REXO1: variants seen among roughly 807,000 people sequenced by gnomAD.
REXO1 encodes RNA exonuclease 1 homolog.
A neutral mutation model predicts 102.6 loss-of-function variants in REXO1; 42 were observed. The observed-to-expected ratio is 0.41, with a 90% CI of 0.32 to 0.53. The LOEUF (loss-of-function observed/expected upper bound fraction) is 0.53. Among genes scored for constraint, REXO1 ranks in the 20% least tolerant of loss-of-function variants. The pLI is 0.27. For missense variants in REXO1, 1,819 were observed against 1,732.5 expected (o/e 1.05, Z -0.89); for synonymous variants, 908 against 779.1 (o/e 1.17, Z -2.76).
intron 1 of REXO1, among the ~76,000 whole-genome samples, chr19:1,840,241 T>C (rs992553638): frequency 6.6e-6 from 1 of 151,998 alleles, no homozygotes; most frequent in Non-Finnish European, 1.5e-5. Flanking sequence ...CCAGGGCAGG[T>C]GTCTGCAGAG....
In REXO1 at chr19:1,827,633, C is replaced by A; in HGVS notation, c.1156G>T (p.Ala386Ser). 1 of 1,573,070 alleles carries A rather than the reference C, an allele frequency of 6.4e-7. No individual in the cohort carries two copies. The highest frequency in any genetic ancestry group is 1.2e-5 in the South Asian group (1 of 85,618). The change falls in exon 2 of 16, where the codon GCC becomes TCC. Residue 386 changes from alanine (A) to serine (S), a missense_variant. Transcript: ENST00000170168. The part of the protein sequence containing the change: ...PKKKKTGAPP[A>S]PSCKDGAQGK... ...TGGGCCCCGTCTTTGCAGCTGGGGGCAGGTGGGGCCCCGGTTTTTTTCTTC... is the reference window on the plus strand; with the variant it reads ...TGGGCCCCGTCTTTGCAGCTGGGGGAAGGTGGGGCCCCGGTTTTTTTCTTC...
chr19:1,826,728 A>T lies in REXO1; in HGVS notation c.1911+150T>A. On this transcript the variant is annotated intron_variant, in intron 2 of 15. Transcript: ENST00000170168. The surrounding 1 kb of genome is among the most constrained non-coding windows in gnomAD (Gnocchi z 4.3). Reference sequence around the variant, plus strand: ...CTGCCCGGGTGCTCCTGAGCTCCTGAGATTTCAACGGGCTCAGGGACCAGC... The same window carrying T: ...CTGCCCGGGTGCTCCTGAGCTCCTGTGATTTCAACGGGCTCAGGGACCAGC... 7.4e-7 allele frequency: 1 copy of T among 1,355,506 alleles called. No individual in the cohort carries two copies. The highest frequency in any genetic ancestry group is 9.7e-7 in the Non-Finnish European group (1 of 1,029,672). The allele number at this position is 1,355,506 out of a possible 1,614,324, so 84.0% of individuals were successfully genotyped here. A position where few individuals can be genotyped will look rare whatever the true frequency, so the allele number is the denominator to read the frequency against.
At chr19:1,824,198 A>T in intron 3 of REXO1, 1 of 165,936 alleles carries the variant, frequency 6.0e-6, no homozygotes, top group Non-Finnish European at 1.3e-5. Flanking sequence ...GTCCTGCACT[A>T]CCTCGCCACG....
chr19:1,816,127 G>C lies in REXO1; in HGVS notation c.3605C>G (p.Ala1202Gly). The change falls in exon 16 of 16, where the codon GCC becomes GGC. Residue 1202 changes from alanine to glycine, a missense_variant. Ala to Gly is a moderately conservative substitution (Grantham distance 60, BLOSUM62 0). Coordinates refer to ENST00000170168, the MANE Select transcript of REXO1 (RefSeq NM_020695.4). ...GATCACCAGGTGCATGCAGGCGCCG[G>C]CGTCCTCGCTGGAGCTGTGCCCATC... The part of the protein sequence containing the change: ...NVDGHSSSED[A>G]GACMHLVIWK... 1 of 1,550,114 alleles carries C rather than the reference G, an allele frequency of 6.5e-7. No homozygotes were observed.
Position 1,827,246 on chromosome 19 carries a change from C to G in REXO1, c.1543G>C (p.Ala515Pro). Residue 515 changes from alanine to proline, a missense_variant, in exon 2 of 16, where the codon GCC becomes CCC. Physicochemically the swap from Ala to Pro is conservative, Grantham distance 27. Transcript: ENST00000170168. ...CCAAAGAGGTCGGCGTGGCTCAGGG[C>G]CCGCTTCTTCAGCTTGGGGGCGTCC... ...SQDAPKLKKRALSHADLFGDE... is the reference protein window; with the variant it reads ...SQDAPKLKKRPLSHADLFGDE... The G allele has an allele frequency of 6.4e-7, 1 of 1,553,602 alleles. No individual in the cohort carries two copies. The highest frequency in any genetic ancestry group is 8.7e-7 in the Non-Finnish European group (1 of 1,155,584).
intron 6 of REXO1, 83 bp from the exon 7 acceptor site, chr19:1,820,140 G>T: frequency 1.3e-6 from 2 of 1,566,416 alleles, no homozygotes; most frequent in South Asian, 1.2e-5. Context: ...TGGGGTCGGG[G>T]ACTTGCATCT....
intron 1 of REXO1, among the ~76,000 whole-genome samples, chr19:1,832,378 G>C (rs891111943): frequency 9.8e-5 from 15 of 152,332 alleles, no homozygotes; most frequent in Admixed American, 7.8e-4. Flanking sequence ...ACCGGGTGAT[G>C]AAAGTGCAGT....
intron 5 of REXO1, among the ~76,000 whole-genome samples, chr19:1,820,635 G>A (rs1357557133): frequency 6.6e-6 from 1 of 152,192 alleles, no homozygotes; most frequent in African/African-American, 2.4e-5. Flanking sequence ...GGAACTTGCT[G>A]TACTTTCTGC....
chr19:1,828,205 C>A lies in REXO1; in HGVS notation c.584G>T (p.Gly195Val), dbSNP rs776091082. The A allele has an allele frequency of 5.0e-6, 8 of 1,605,338 alleles. No individual in the cohort carries two copies. Among genetic ancestry groups the A allele is most frequent in the Non-Finnish European group, 5.9e-6 (7 of 1,177,090 alleles). Reference sequence around the variant, plus strand: ...GGGGACGTATTCCAGGGCACCGCCACCCCCTCCACCTCTGCCCTGACCCCT... The same window carrying A: ...GGGGACGTATTCCAGGGCACCGCCAACCCCTCCACCTCTGCCCTGACCCCT... ...LDRGQGRGGG[G>V]GGALEYVPKA... Residue 195 changes from glycine (G) to valine (V), a missense_variant, in exon 2 of 16, where the codon GGT (glycine) becomes GTT (valine). Coordinates refer to ENST00000170168, the MANE Select transcript of REXO1 (RefSeq NM_020695.4).
In REXO1 at chr19:1,816,284, T is replaced by A. The variant is rs755029833; in HGVS notation, c.3518A>T (p.Tyr1173Phe). The A allele has an allele frequency of 3.8e-6, 6 of 1,588,920 alleles. No individual in the cohort carries two copies. The South Asian group carries it at 6.8e-5, about 18-fold the overall frequency. ...CATGAGGTTCCGCAGGGACCGCTTG[T>A]AGGGGAGGCCCAGGCGGTGGGGGAA... Reference protein sequence around the residue: ...VLFPHRLGLPYKRSLRNLMAD... With the variant: ...VLFPHRLGLPFKRSLRNLMAD... Residue 1173 changes from tyrosine (Y) to phenylalanine (F), a missense_variant, in exon 15 of 16, where the codon TAC (tyrosine) becomes TTC (phenylalanine). By Grantham distance (22) the Tyr-to-Phe change is conservative. Transcript: ENST00000170168.
At chr19:1,829,142 G>A (rs2069835638) in intron 1 of REXO1, among the ~76,000 whole-genome samples, 1 of 152,208 alleles carries the variant, frequency 6.6e-6, no homozygotes. Flanking sequence ...CCAGCAGTGT[G>A]CCAGCGGTGG....
chr19:1,825,481 AT>A (rs35177119), intron 3 of REXO1, among the ~76,000 whole-genome samples: 68 of 145,476 alleles, frequency 4.7e-4, no homozygotes, highest in Middle Eastern at 3.5e-3. Context: ...TTTTTTTATA[AT>A]TTTTTTTTTT....
chr19:1,839,735 C>T (rs557189756), intron 1 of REXO1, among the ~76,000 whole-genome samples: 2 of 152,378 alleles, frequency 1.3e-5, no homozygotes, highest in South Asian at 2.1e-4. Context: ...CTGTCTCATC[C>T]ACTTCCCCAA....
chr19:1,843,848 G>C lies in REXO1; in HGVS notation c.157+4354C>G, dbSNP rs573949392. ...GCCGGCTGTCTCCCATCCACCAGGA[G>C]GAGGCAGCACAGGACGCAGCCAGCG... On this transcript the variant is annotated intron_variant, in intron 1 of 15. Coordinates refer to ENST00000170168, the MANE Select transcript of REXO1 (RefSeq NM_020695.4). 2.0e-5 allele frequency among the ~76,000 whole-genome samples: 3 copies of C among 152,370 alleles called. No individual in the cohort carries two copies. In the East Asian group the frequency reaches 5.8e-4, roughly 29 times the overall value.
Position 1,815,846 on chromosome 19 carries a change from G to A in REXO1, c.*220C>T. The A allele has an allele frequency of 1.3e-6, 2 of 1,521,856 alleles. No individual in the cohort carries two copies. The highest frequency in any genetic ancestry group is 1.4e-5 in the African/African-American group (1 of 72,446). The allele number at this position is 1,521,856 out of a possible 1,614,324, so 94.3% of individuals were successfully genotyped here. A position where few individuals can be genotyped will look rare whatever the true frequency, so the allele number is the denominator to read the frequency against. On this transcript the variant is annotated 3_prime_UTR_variant, in exon 16 of 16. Coordinates refer to ENST00000170168, the MANE Select transcript of REXO1 (RefSeq NM_020695.4). The surrounding 1 kb of genome is among the most constrained non-coding windows in gnomAD (Gnocchi z 4.0). Reference sequence around the variant, plus strand: ...AGCAGCAGTTTCTAGAGACGCCAGAGGGCTGGGGGGCAGAGGGTGGGGACC... The same window carrying A: ...AGCAGCAGTTTCTAGAGACGCCAGAAGGCTGGGGGGCAGAGGGTGGGGACC...
chr19:1,815,578 A>C lies in REXO1; in HGVS notation c.*488T>G. 4 of 774,066 alleles carry C rather than the reference A, an allele frequency of 5.2e-6. No homozygotes were observed. The highest frequency in any genetic ancestry group is 2.2e-5 in the South Asian group (1 of 45,376). The allele number at this position is 774,066 out of a possible 1,614,324, so 47.9% of individuals were successfully genotyped here. On this transcript the variant is annotated 3_prime_UTR_variant, in exon 16 of 16. Transcript: ENST00000170168. The surrounding 1 kb of genome is among the most constrained non-coding windows in gnomAD (Gnocchi z 4.0). ...TCCCACCCCCACCCCGCAGGAGGGA[A>C]GGCAGCAGGCCCGCTCTTCCCGGTG...
Position 1,818,489 on chromosome 19 carries a change from C to T in REXO1, c.3009G>A (p.Arg1003=). The change falls in exon 10 of 16, where the codon CGG becomes CGA. Residue 1003 remains arginine (R), a synonymous_variant. Transcript: ENST00000170168. The part of the protein sequence containing the change: ...ECYYHWGRLR[R]NRVAGGWETQ... Reference sequence around the variant, plus strand: ...ACCCGGGTAAGGCCTTACCCCGGTTCCGGCGCAGCCGTCCCCAGTGGTAAT... The same window carrying T: ...ACCCGGGTAAGGCCTTACCCCGGTTTCGGCGCAGCCGTCCCCAGTGGTAAT... The T allele has an allele frequency of 6.2e-7, 1 of 1,601,362 alleles. No homozygotes were observed.
rs1568693784 is a variant in REXO1 at position 1,826,395 on chromosome 19, A to AGGGGAGGAGAAAGGAGCCGGAGGGGAT, written c.1911+456_1912-453dup. On this transcript the variant is annotated intron_variant, in intron 2 of 15. Coordinates refer to ENST00000170168, the MANE Select transcript of REXO1 (RefSeq NM_020695.4). The surrounding 1 kb of genome is among the most constrained non-coding windows in gnomAD (Gnocchi z 4.3). ...GCCACGCTGGGAGTAGGGAGGAGGG[A>AGGGGAGGAGAAAGGAGCCGGAGGGGAT]GGGGAGGAGAAAGGAGCCGGAGGGG... 6.2e-5 allele frequency among the ~76,000 whole-genome samples: 9 copies of AGGGGAGGAGAAAGGAGCCGGAGGGGAT among 146,192 alleles called. No homozygotes were observed. Among genetic ancestry groups the AGGGGAGGAGAAAGGAGCCGGAGGGGAT allele is most frequent in the African/African-American group, 2.3e-4 (9 of 39,560 alleles).
At position 1,834,762 on chromosome 19, in the gene REXO1, C is replaced by T. The variant is rs557201833; in HGVS notation, c.158-6131G>A. On this transcript the variant is annotated intron_variant, in intron 1 of 15. Coordinates refer to ENST00000170168, the MANE Select transcript of REXO1 (RefSeq NM_020695.4). The stretch of plus-strand genomic sequence containing the variant: ...GGAAAGAGCAGGGGCACCTGGAGGC[C>T]GGAGGGCACACTCTGCAGAGGGGGT... Among the ~76,000 whole-genome samples, 472 of 152,276 alleles carry T rather than the reference C, an allele frequency of 3.1e-3. 2 individuals carry two copies. The highest frequency in any genetic ancestry group is 0.011 in the African/African-American group (441 of 41,566).
Sources: allele counts gnomAD v4.1 joint callset (sites outside exome capture counted in the v4.1 genomes callset), GRCh38; gene constraint gnomAD v4.1.1; non-coding constraint Gnocchi (gnomAD v3.1); transcripts MANE v1.5; gene names NCBI Gene and HGNC (gene_info 2026-07-23, HGNC 2026-07-21).